The following THOP1 variants were observed in gnomAD, a reference collection of about 807,000 sequenced individuals.
The protein encoded by THOP1 is thimet oligopeptidase 1.
Under a neutral mutation model 71.8 loss-of-function variants are expected in THOP1, and 49 were observed. The ratio of observed to expected loss-of-function variants is 0.68; its 90% CI spans 0.54 to 0.87. The LOEUF (loss-of-function observed/expected upper bound fraction) is 0.87, where lower values mean the gene tolerates loss of function less well. Ranked by LOEUF, THOP1 falls within the 40% of genes least tolerant of loss-of-function variation. THOP1 has a pLI of 0.00. For synonymous variants in THOP1, 426 were observed against 421.5 expected (o/e 1.01, Z -0.13); for missense variants, 843 against 975.6 (o/e 0.86, Z 1.81).
rs575968015 is a variant in THOP1, at chr19:2,813,339, G to A, written c.*63G>A. The A allele has an allele frequency of 8.7e-5, 130 of 1,497,236 alleles. 3 individuals carry two copies. The highest frequency in any genetic ancestry group is 5.7e-4 in the South Asian group (45 of 79,350). The allele number at this position is 1,497,236 out of a possible 1,614,324, so 92.7% of individuals were successfully genotyped here. Reference sequence around the variant, plus strand: ...CCGCCGCCCTGGTGCCTTAGCCCCCGGCACAGGATGGGGCAGGCTCTGGCA... The same window carrying A: ...CCGCCGCCCTGGTGCCTTAGCCCCCAGCACAGGATGGGGCAGGCTCTGGCA... On this transcript the variant is annotated 3_prime_UTR_variant, in exon 13 of 13. Coordinates refer to ENST00000307741, the MANE Select transcript of THOP1 (RefSeq NM_003249.5).
At chr19:2,788,536 T>C (rs957843684) in intron 1 of THOP1, among the ~76,000 whole-genome samples, 4 of 152,312 alleles carry the variant, frequency 2.6e-5, no homozygotes, top group African/African-American at 9.6e-5. Flanking sequence ...TGGAGTGCAG[T>C]GCTACGATCT....
intron 2 of THOP1, among the ~76,000 whole-genome samples, chr19:2,791,793 G>C (rs1226329947): frequency 6.6e-6 from 1 of 152,140 alleles, no homozygotes; most frequent in African/African-American, 2.4e-5. Context: ...GGCGAGACTA[G>C]CATTAAAGGA....
chr19:2,789,240 C>A (rs181017593), intron 1 of THOP1, among the ~76,000 whole-genome samples: 1 of 152,204 alleles, frequency 6.6e-6, no homozygotes, highest in African/African-American at 2.4e-5. Flanking sequence ...TGTTTGCTGG[C>A]CCCCTGGACC....
At chr19:2,807,898 T>C (rs1024163205) in intron 8 of THOP1, 90 bp downstream of exon 8, 1 of 1,363,290 alleles carries the variant, frequency 7.3e-7, no homozygotes, top group African/African-American at 1.5e-5. Context: ...AAGGAAGTCG[T>C]TGCCTGCTCC....
At chr19:2,810,873 G>A (rs1038681515) in intron 11 of THOP1, 105 bp downstream of exon 11, 1 of 1,460,532 alleles carries the variant, frequency 6.8e-7, no homozygotes, top group South Asian at 1.4e-5. Context: ...AAGTGCAGGA[G>A]TCCCTGCTGG....
At chr19:2,788,292 A>C (rs1406859895) in intron 1 of THOP1, among the ~76,000 whole-genome samples, 5 of 152,220 alleles carry the variant, frequency 3.3e-5, no homozygotes, top group African/African-American at 9.6e-5. Flanking sequence ...CACCCAGGCC[A>C]TCTGACTTCA....
chr19:2,792,646 T>G (rs567959129), intron 2 of THOP1, among the ~76,000 whole-genome samples: 64 of 150,406 alleles, frequency 4.3e-4, no homozygotes, highest in African/African-American at 9.3e-4. Context: ...ATTATTAGGG[T>G]TTTTTTTTGT....
Position 2,785,523 on chromosome 19 carries a change from G to T in THOP1, c.-140G>T. 2 of 940,948 alleles carry T rather than the reference G, an allele frequency of 2.1e-6. No individual in the cohort carries two copies. Among genetic ancestry groups the T allele is most frequent in the South Asian group, 6.3e-5 (2 of 31,792 alleles). The allele number at this position is 940,948 out of a possible 1,614,324, so 58.3% of individuals were successfully genotyped here. ...GCCCCAGCATGCCCCGGGAGCGCGG[G>T]CGGCGGGCCCCTTGGTCCTCAGGCG... On this transcript the variant is annotated 5_prime_UTR_variant, in exon 1 of 13. Transcript: ENST00000307741.
chr19:2,808,034 G>A (rs1223818686), intron 8 of THOP1: 24 of 784,374 alleles, frequency 3.1e-5, no homozygotes, highest in South Asian at 5.8e-5. Flanking sequence ...TGCCCAGGCC[G>A]GAGTCCTTTA....
intron 4 of THOP1, among the ~76,000 whole-genome samples, chr19:2,796,418 AGGGAGTGCTGGGTGCC>A (rs947407300): frequency 1.4e-5 from 2 of 146,240 alleles, no homozygotes; most frequent in African/African-American, 5.1e-5. Context: ...GCTTGGGCAC[AGGGAGTGCTGGGTGCC>A]GGGAGTGCTG....
At position 2,807,450 on chromosome 19, in the gene THOP1, G is replaced by C; in HGVS notation, c.895G>C (p.Ala299Pro). Reference protein sequence around the residue: ...QTVATFLDELAQKLKPLGEQE... With the variant: ...QTVATFLDELPQKLKPLGEQE... The stretch of plus-strand genomic sequence containing the variant: ...TTCTGCCCTCCCCGCAGATGAGCTG[G>C]CGCAGAAGCTGAAGCCCCTGGGGGA... The change falls in exon 8 of 13, where the codon GCG (alanine) becomes CCG (proline). Residue 299 changes from alanine (A) to proline (P), a missense_variant. By Grantham distance (27) the Ala-to-Pro change is conservative (BLOSUM62 -1). Coordinates refer to ENST00000307741, the MANE Select transcript of THOP1 (RefSeq NM_003249.5). 6.3e-7 allele frequency: 1 copy of C among 1,590,988 alleles called. No individual in the cohort carries two copies. The highest frequency in any genetic ancestry group is 1.1e-5 in the South Asian group (1 of 89,850).
At chr19:2,806,766 A>T (rs1425193711) in intron 6 of THOP1, 151 bp from the exon 7 acceptor site, 9 of 1,329,528 alleles carry the variant, frequency 6.8e-6, no homozygotes, top group Non-Finnish European at 9.4e-6. Flanking sequence ...GCATGACCAG[A>T]GGAGTTGTGT....
intron 5 of THOP1, among the ~76,000 whole-genome samples, chr19:2,803,897 G>A (rs1247820167): frequency 6.6e-6 from 1 of 152,046 alleles, no homozygotes; most frequent in Non-Finnish European, 1.5e-5. Context: ...TGGGGTCCCC[G>A]TGAGCTCCCG....
rs568235053 is a variant in THOP1, at chr19:2,799,608, G to A, written c.487-81G>A. The A allele has an allele frequency of 8.2e-4, 949 of 1,157,240 alleles. 16 individuals carry two copies. The highest frequency in any genetic ancestry group is 7.5e-3 in the South Asian group (579 of 77,530). The allele number at this position is 1,157,240 out of a possible 1,614,324, so 71.7% of individuals were successfully genotyped here. A position where few individuals can be genotyped will look rare whatever the true frequency, so the allele number is the denominator to read the frequency against. On this transcript the variant is annotated intron_variant, in intron 4 of 12. Transcript: ENST00000307741. ...TTGGGGAAATCCCTCAGCCCTCGGC[G>A]AGAGGGTTCCCAGGCGTTGCGTCTC...
intron 12 of THOP1, 199 bp downstream of exon 12, chr19:2,811,933 G>T: frequency 2.3e-6 from 3 of 1,290,510 alleles, no homozygotes; most frequent in Non-Finnish European, 3.1e-6. Flanking sequence ...CACACCTTTG[G>T]CCTGGGCCTG....
At chr19:2,802,789 C>A (rs1916186229) in intron 5 of THOP1, among the ~76,000 whole-genome samples, 1 of 152,238 alleles carries the variant, frequency 6.6e-6, no homozygotes, top group African/African-American at 2.4e-5. Flanking sequence ...TGACTCCGAA[C>A]CTTCCCTCCT....
intron 4 of THOP1, 66 bp from the exon 5 acceptor site, chr19:2,799,623 C>G: frequency 7.7e-7 from 1 of 1,306,570 alleles, no homozygotes; most frequent in Non-Finnish European, 1.1e-6. Context: ...GGTTCCCAGG[C>G]GTTGCGTCTC....
intron 1 of THOP1, among the ~76,000 whole-genome samples, chr19:2,790,170 G>T (rs943479747): frequency 1.3e-5 from 2 of 152,096 alleles, no homozygotes; most frequent in Non-Finnish European, 2.9e-5. Flanking sequence ...CCCACTCCAC[G>T]CCAGGAGCAT....
At position 2,799,684 on chromosome 19, in the gene THOP1, TC is replaced by T. The variant is rs1555716431; in HGVS notation, c.487-3del. Reference sequence around the variant, plus strand: ...CCTCCCCTCACGCCCCGCCTTTCTCTCCAGAACATCAAACGCATCAAGAAGA... The same window carrying T: ...CCTCCCCTCACGCCCCGCCTTTCTCTCAGAACATCAAACGCATCAAGAAGA... On this transcript the variant is annotated splice_region_variant and splice_polypyrimidine_tract_variant and intron_variant, in intron 4 of 12. Coordinates refer to ENST00000307741, the MANE Select transcript of THOP1 (RefSeq NM_003249.5). The T allele has an allele frequency of 1.2e-6, 2 of 1,609,956 alleles. No homozygotes were observed. Among genetic ancestry groups the T allele is most frequent in the African/African-American group, 2.7e-5 (2 of 74,910 alleles).
Sources: gnomAD v4.1 joint callset for allele counts (sites outside exome capture counted in the v4.1 genomes callset) on GRCh38, gnomAD v4.1.1 for gene constraint, MANE v1.5 for transcripts, NCBI Gene and HGNC (gene_info 2026-07-23, HGNC 2026-07-21) for gene names.